Variants in PSD3 observed in about 807,000 individuals in gnomAD.
PSD3 encodes the protein pleckstrin and Sec7 domain containing 3.
Under a neutral mutation model 105.5 loss-of-function variants are expected in PSD3, and 49 were observed. The ratio of observed to expected loss-of-function variants is 0.46; its 90% CI spans 0.37 to 0.59. The LOEUF is 0.59. PSD3 is among the 20% of genes least tolerant of loss of function. The pLI, the probability that PSD3 is intolerant of heterozygous loss-of-function variation, is 0.00. For missense variants in PSD3, 1,561 were observed against 1,263.8 expected (o/e 1.24, Z -3.57); for synonymous variants, 557 against 457.8 (o/e 1.22, Z -2.77).
At chr8:18,954,947 C>G (rs1823471031) in intron 1 of PSD3, among the ~76,000 whole-genome samples, 1 of 151,914 alleles carries the variant, frequency 6.6e-6, no homozygotes, top group African/African-American at 2.4e-5. Context: ...TGGACAGACG[C>G]CAAAAAAAGA....
At chr8:18,954,174 T>C (rs1396950286) in intron 1 of PSD3, among the ~76,000 whole-genome samples, 1 of 152,072 alleles carries the variant, frequency 6.6e-6, no homozygotes, top group Non-Finnish European at 1.5e-5. Context: ...CCATCTGTAT[T>C]AGCCATAAAT....
chr8:18,614,824 C>T (rs766062183), intron 11 of PSD3, among the ~76,000 whole-genome samples: 4 of 150,102 alleles, frequency 2.7e-5, no homozygotes, highest in South Asian at 2.1e-4. Flanking sequence ...TTCATAGACA[C>T]GGGGTCTTGC....
intron 13 of PSD3, 50 bp from the exon 14 acceptor site, chr8:18,572,722 C>T (rs1201240462): frequency 6.3e-7 from 1 of 1,579,324 alleles, no homozygotes; most frequent in Admixed American, 1.7e-5. Flanking sequence ...GTCTAAGTAG[C>T]ATCACACTTT....
chr8:18,980,214 C>G (rs541001309), intron 1 of PSD3, among the ~76,000 whole-genome samples: 2 of 152,320 alleles, frequency 1.3e-5, no homozygotes, highest in African/African-American at 4.8e-5. Context: ...TCCTCACAAG[C>G]TGGTGAGAAA....
chr8:18,699,713 T>C (rs1297714987), intron 9 of PSD3, among the ~76,000 whole-genome samples: 1 of 151,842 alleles, frequency 6.6e-6, no homozygotes, highest in African/African-American at 2.4e-5. Flanking sequence ...ATAAATTAAT[T>C]ATAAACTTTT....
At chr8:18,695,203 T>C (rs1438350717) in intron 9 of PSD3, among the ~76,000 whole-genome samples, 14 of 152,160 alleles carry the variant, frequency 9.2e-5, no homozygotes, top group Non-Finnish European at 5.9e-5. Context: ...TACAGTAATA[T>C]TGAGATCACA....
At chr8:19,059,910 T>C (rs1015806745) in intron 1 of PSD3, among the ~76,000 whole-genome samples, 2 of 152,220 alleles carry the variant, frequency 1.3e-5, no homozygotes, top group Admixed American at 1.3e-4. Context: ...GGCTTTGCTC[T>C]GTGCAGAGAG....
intron 8 of PSD3, 77 bp downstream of exon 8, chr8:18,799,218 A>G: frequency 7.6e-7 from 1 of 1,310,442 alleles, no homozygotes; most frequent in Non-Finnish European, 1.1e-6. Flanking sequence ...GGGAGGCAGA[A>G]AATAAATGTG....
In PSD3 at chr8:18,916,026, G is replaced by A. The variant is rs558134938; in HGVS notation, c.130+20008C>T. Among the ~76,000 whole-genome samples the A allele has an allele frequency of 3.6e-3, 548 of 152,082 alleles. 2 individuals are homozygous for A. Among genetic ancestry groups the A allele is most frequent in the South Asian group, 0.016 (78 of 4,820 alleles). ...CAGGAGAATCGCTTGAACCCAGGAG[G>A]CGGAGGTTGCAGTGAGCGGAGATCG... On this transcript the variant is annotated intron_variant, in intron 2 of 15. Coordinates refer to ENST00000327040, the MANE Select transcript of PSD3 (RefSeq NM_015310.4).
intron 10 of PSD3, among the ~76,000 whole-genome samples, chr8:18,645,860 T>C (rs750210931): frequency 1.3e-5 from 2 of 152,212 alleles, no homozygotes; most frequent in Non-Finnish European, 2.9e-5. Flanking sequence ...TAGTCAAATA[T>C]CTCGTGCAAA....
At chr8:18,951,625 T>C (rs928577579) in intron 1 of PSD3, among the ~76,000 whole-genome samples, 1 of 152,172 alleles carries the variant, frequency 6.6e-6, no homozygotes, top group South Asian at 2.1e-4. Context: ...GGCTTCAAAT[T>C]TGTGCAATTA....
At chr8:18,733,092 A>G (rs1253484547) in intron 9 of PSD3, 3 of 152,144 alleles carry the variant, frequency 2.0e-5, no homozygotes, top group Non-Finnish European at 4.4e-5. Context: ...TTAAAAATAC[A>G]GAAAGAGAAC....
intron 8 of PSD3, among the ~76,000 whole-genome samples, chr8:18,787,926 T>A (rs1809336907): frequency 6.6e-6 from 1 of 152,210 alleles, no homozygotes; most frequent in South Asian, 2.1e-4. Flanking sequence ...ACAAATTCTG[T>A]AAATTTCTGT....
intron 1 of PSD3, among the ~76,000 whole-genome samples, chr8:18,961,602 A>G (rs1823929095): frequency 6.6e-6 from 1 of 152,062 alleles, no homozygotes; most frequent in Non-Finnish European, 1.5e-5. Flanking sequence ...AGGCAGGCAG[A>G]ATTGCTTCAA....
intron 9 of PSD3, among the ~76,000 whole-genome samples, chr8:18,661,481 G>A (rs914409087): frequency 1.3e-5 from 2 of 152,088 alleles, no homozygotes; most frequent in African/African-American, 4.8e-5. Flanking sequence ...ATATCAAAAT[G>A]GTTAGAAAAA....
At chr8:18,569,327 T>A (rs905895029) in intron 14 of PSD3, among the ~76,000 whole-genome samples, 2 of 137,092 alleles carry the variant, frequency 1.5e-5, no homozygotes, top group Non-Finnish European at 3.1e-5. Context: ...CCACCAACAG[T>A]GTAAAAGTGT....
intron 4 of PSD3, among the ~76,000 whole-genome samples, chr8:18,825,479 G>A (rs1190173805): frequency 2.6e-5 from 4 of 152,164 alleles, no homozygotes; most frequent in South Asian, 2.1e-4. Context: ...CATCCTCACC[G>A]TAACTACCTT....
chr8:18,748,414 A>C lies in PSD3; in HGVS notation c.2172+17035T>G, dbSNP rs144011422. On this transcript the variant is annotated intron_variant, in intron 9 of 15. Transcript: ENST00000327040. ...GATGGCTCACACCTGTAATCCCAGC[A>C]CTTTGAGAGGCCAAGGCGGGCGGAT... is the stretch of plus-strand genomic sequence containing the variant. Among the ~76,000 whole-genome samples the C allele has an allele frequency of 4.5e-3, 691 of 152,258 alleles. 10 individuals are homozygous for C. The highest frequency in any genetic ancestry group is 0.019 in the South Asian group (93 of 4,820).
At chr8:19,033,971 A>G (rs1186869043) in intron 1 of PSD3, among the ~76,000 whole-genome samples, 2 of 152,228 alleles carry the variant, frequency 1.3e-5, no homozygotes, top group South Asian at 4.1e-4. Context: ...GTAAAGATAA[A>G]TAAATATCTA....
Sources: gnomAD v4.1 joint callset for allele counts (sites outside exome capture counted in the v4.1 genomes callset) on GRCh38, gnomAD v4.1.1 for gene constraint, MANE v1.5 for transcripts, NCBI Gene and HGNC (gene_info 2026-07-23, HGNC 2026-07-21) for gene names.